Variants in ANKDD1B observed in about 807,000 individuals in gnomAD.
ANKDD1B encodes ankyrin repeat and death domain-containing protein 1B.
In ANKDD1B, 57 loss-of-function variants were observed where a neutral mutation model predicts 59.7. The ratio of observed to expected loss-of-function variants is 0.95; its 90% CI spans 0.77 to 1.19. The LOEUF is 1.19. Among genes scored for constraint, ANKDD1B ranks in the 50% most tolerant of loss-of-function variants. ANKDD1B has a pLI of 0.00. For missense variants in ANKDD1B, 602 were observed against 641.9 expected, an observed-to-expected ratio of 0.94 and a Z score of 0.67; for synonymous variants, 216 against 239.5, an observed-to-expected ratio of 0.90 and a Z score of 0.91.
chr5:75,644,056 T>C (rs1305290715), intron 7 of ANKDD1B, among the ~76,000 whole-genome samples: 2 of 104,468 alleles, frequency 1.9e-5, no homozygotes, highest in Admixed American at 1.9e-4. Flanking sequence ...CTGAGAGATT[T>C]TGTCACCACC....
chr5:75,635,666 C>T, intron 6 of ANKDD1B, 118 bp from the exon 7 acceptor site: 1 of 560,900 alleles, frequency 1.8e-6, no homozygotes, highest in Non-Finnish European at 3.1e-6. Flanking sequence ...GGTCCACACT[C>T]TGGACCGCAG....
intron 5 of ANKDD1B, among the ~76,000 whole-genome samples, chr5:75,632,011 G>T (rs985028947): frequency 6.6e-6 from 1 of 151,134 alleles, no homozygotes; most frequent in Non-Finnish European, 1.5e-5. Flanking sequence ...GGAGGCTGAC[G>T]CAGGAGACTT....
intron 3 of ANKDD1B, among the ~76,000 whole-genome samples, chr5:75,620,951 G>T (rs571885970): frequency 4.0e-4 from 61 of 152,314 alleles, no homozygotes; most frequent in African/African-American, 1.4e-3. Context: ...TCCCCGCTCT[G>T]CTGTGTACTT....
At chr5:75,631,284 T>C (rs1410372608) in intron 5 of ANKDD1B, among the ~76,000 whole-genome samples, 1 of 152,234 alleles carries the variant, frequency 6.6e-6, no homozygotes, top group Non-Finnish European at 1.5e-5. Flanking sequence ...TGCATGATAA[T>C]TTAAATTTTG....
At chr5:75,660,322 C>T (rs988459075) in intron 10 of ANKDD1B, among the ~76,000 whole-genome samples, 2 of 152,226 alleles carry the variant, frequency 1.3e-5, no homozygotes, top group African/African-American at 4.8e-5. Flanking sequence ...ACTCTAAGTA[C>T]CTCATATAAG....
Position 75,635,785 on chromosome 5 carries a change from G to A in ANKDD1B, c.701G>A (p.Gly234Glu). ...LNLHTSEKDK[G>E]GNTALHLAAK... ...ACGTCGAGTGTGTCTCTGTTGCAGG[G>A]GGGAAACACTGCCTTGCACCTCGCT... The change falls in exon 7 of 14, where the codon GGG (glycine) becomes GAG (glutamate). Residue 234 changes from glycine to glutamate, a missense_variant and splice_region_variant. Transcript: ENST00000601380. The A allele has an allele frequency of 1.3e-6, 2 of 1,527,496 alleles. No homozygotes were observed. Among genetic ancestry groups the A allele is most frequent in the Non-Finnish European group, 1.8e-6 (2 of 1,139,930 alleles). 94.6% of individuals were successfully genotyped at this position (1,527,496 alleles called of 1,614,324 possible).
intron 5 of ANKDD1B, among the ~76,000 whole-genome samples, chr5:75,626,745 G>C (rs1774004868): frequency 6.6e-6 from 1 of 151,854 alleles, no homozygotes; most frequent in African/African-American, 2.4e-5. Context: ...TCATGTCAGG[G>C]ACTGTCCTTC....
At chr5:75,624,936 C>G (rs552037565) in intron 3 of ANKDD1B, among the ~76,000 whole-genome samples, 7 of 152,124 alleles carry the variant, frequency 4.6e-5, no homozygotes, top group African/African-American at 9.7e-5. Context: ...TGTTGTAGCA[C>G]CAATTCATTA....
chr5:75,637,169 C>T (rs1316266691), intron 7 of ANKDD1B, among the ~76,000 whole-genome samples: 14 of 136,910 alleles, frequency 1.0e-4, no homozygotes, highest in Admixed American at 2.4e-4. Flanking sequence ...CGCTTGAACC[C>T]GGGAGGCAGA....
chr5:75,611,921 C>G (rs1466772810), intron 1 of ANKDD1B, 94 bp downstream of exon 1: 2 of 1,069,172 alleles, frequency 1.9e-6, no homozygotes, highest in African/African-American at 1.7e-5. Flanking sequence ...CCTCCGGACG[C>G]TGCAGGAGGG....
chr5:75,655,993 A>T, intron 8 of ANKDD1B, 36 bp from the exon 9 acceptor site: 1 of 971,876 alleles, frequency 1.0e-6, no homozygotes, highest in Non-Finnish European at 1.5e-6. Context: ...TGAAGCCAGA[A>T]CCTTCTGGAT....
intron 7 of ANKDD1B, 97 bp downstream of exon 7, chr5:75,635,979 G>C: frequency 3.1e-6 from 2 of 655,520 alleles, no homozygotes; most frequent in Non-Finnish European, 5.1e-6. Flanking sequence ...AAAGGTGTTA[G>C]TGCCATGGAG....
At chr5:75,666,712 T>C in intron 11 of ANKDD1B, 80 bp from the exon 12 acceptor site, 1 of 1,081,374 alleles carries the variant, frequency 9.2e-7, no homozygotes, top group East Asian at 2.6e-5. Context: ...CTAGTTATGT[T>C]TGAAAAACAT....
rs902462704 is a variant in ANKDD1B, at chr5:75,635,009, T to G, written c.699+13T>G. 2 of 1,486,954 alleles carry G rather than the reference T, an allele frequency of 1.3e-6. No individual in the cohort carries two copies. The highest frequency in any genetic ancestry group is 2.8e-5 in the African/African-American group (2 of 71,988). 92.1% of individuals were successfully genotyped at this position (1,486,954 alleles called of 1,614,324 possible). On this transcript the variant is annotated intron_variant, in intron 6 of 13. Transcript: ENST00000601380. ...AGAAAAGGACAAGGTGAGTTGGACT[T>G]TTATTTCTTTGCTGAGAACAAGAGA...
At chr5:75,649,398 CAATG>C (rs553677116) in intron 7 of ANKDD1B, among the ~76,000 whole-genome samples, 2 of 152,060 alleles carry the variant, frequency 1.3e-5, no homozygotes, top group African/African-American at 4.8e-5. Flanking sequence ...ATTTAACAAT[CAATG>C]AAGTATGAAT....
At chr5:75,631,507 T>C (rs1055580511) in intron 5 of ANKDD1B, among the ~76,000 whole-genome samples, 3 of 152,204 alleles carry the variant, frequency 2.0e-5, no homozygotes, top group Non-Finnish European at 1.5e-5. Context: ...ATCTCTCTCA[T>C]GGGGACCCTG....
intron 8 of ANKDD1B, among the ~76,000 whole-genome samples, chr5:75,655,385 G>C (rs1460696443): frequency 6.6e-6 from 1 of 152,190 alleles, no homozygotes; most frequent in Non-Finnish European, 1.5e-5. Context: ...GAGTAAGGGG[G>C]ACACGAGTCC....
chr5:75,641,379 C>T (rs898117044), intron 7 of ANKDD1B, among the ~76,000 whole-genome samples: 25 of 152,102 alleles, frequency 1.6e-4, no homozygotes, highest in Non-Finnish European at 2.2e-4. Context: ...GTAATGAAAA[C>T]TCATGACAAA....
intron 3 of ANKDD1B, 110 bp downstream of exon 3, chr5:75,620,523 G>A: frequency 1.6e-6 from 1 of 625,876 alleles, no homozygotes. Flanking sequence ...ATTTTAATTG[G>A]CAGTGTTCGT....
Sources: allele counts gnomAD v4.1 joint callset (sites outside exome capture counted in the v4.1 genomes callset), GRCh38; gene constraint gnomAD v4.1.1; transcripts MANE v1.5; gene names NCBI Gene and HGNC (gene_info 2026-07-23, HGNC 2026-07-21).